KIAA1549L: variants seen among roughly 807,000 people sequenced by gnomAD.
KIAA1549L encodes KIAA1549 like.
A neutral mutation model predicts 160.7 loss-of-function variants in KIAA1549L; 88 were observed. That is an observed-to-expected ratio of 0.55 (90% CI 0.46 to 0.65). The LOEUF is 0.65. KIAA1549L is among the 30% of genes least tolerant of loss of function. The pLI, the probability that KIAA1549L is intolerant of heterozygous loss-of-function variation, is 0.00. For missense variants in KIAA1549L, 2,258 were observed against 2,437.5 expected, an observed-to-expected ratio of 0.93 and a Z score of 1.55; for synonymous variants, 950 against 976.7, an observed-to-expected ratio of 0.97 and a Z score of 0.51.
chr11:33,459,953 T>C (rs1391412627), intron 1 of KIAA1549L, among the ~76,000 whole-genome samples: 2 of 31,002 alleles, frequency 6.5e-5, no homozygotes, highest in African/African-American at 2.0e-4. Flanking sequence ...AGAGCGAGAC[T>C]CCGTCTCAAA....
chr11:33,496,668 C>T lies in KIAA1549L; in HGVS notation c.239-45134C>T, dbSNP rs191897068. ...TCCACTCTTGACTTCAACAACAACC[C>T]GCTCCCACCCCACTGCCCAGCTGCC... On this transcript the variant is annotated intron_variant, in intron 1 of 20. Coordinates refer to ENST00000658780, the MANE Select transcript of KIAA1549L (RefSeq NM_012194.3). Among the ~76,000 whole-genome samples, 184 of 152,246 alleles carry T rather than the reference C, an allele frequency of 1.2e-3. No individual in the cohort carries two copies. The South Asian group carries it at 0.026, about 21-fold the overall frequency.
At position 33,496,394 on chromosome 11, in the gene KIAA1549L, G is replaced by T. The variant is rs1015765311; in HGVS notation, c.239-45408G>T. On this transcript the variant is annotated intron_variant, in intron 1 of 20. Transcript: ENST00000658780. The stretch of plus-strand genomic sequence containing the variant: ...TTCTGGGTGCGAAGTCACTGGAGGG[G>T]TCGTCAGCAGCTGCTATTCATACAG... 2.6e-5 allele frequency among the ~76,000 whole-genome samples: 4 copies of T among 152,314 alleles called. No individual in the cohort carries two copies. In the South Asian group the frequency reaches 8.3e-4, roughly 32 times the overall value.
At chr11:33,550,709 T>A (rs957385169) in intron 4 of KIAA1549L, among the ~76,000 whole-genome samples, 1 of 152,232 alleles carries the variant, frequency 6.6e-6, no homozygotes, top group Non-Finnish European at 1.5e-5. Flanking sequence ...TTTCATTCAC[T>A]GAAAATCTCT....
In KIAA1549L at chr11:33,630,974, C is replaced by G. The variant is rs1023457152; in HGVS notation, c.5409+12312C>G. Reference sequence around the variant, plus strand: ...ATTTTCGTGCATGGCCAGGTAATTACTAGTGGAGGAGAGAGGTGGAGGCAC... The same window carrying G: ...ATTTTCGTGCATGGCCAGGTAATTAGTAGTGGAGGAGAGAGGTGGAGGCAC... On this transcript the variant is annotated intron_variant, in intron 16 of 20. Transcript: ENST00000658780. 5.9e-5 allele frequency among the ~76,000 whole-genome samples: 9 copies of G among 152,294 alleles called. No homozygotes were observed. In the East Asian group the frequency reaches 1.4e-3, roughly 23 times the overall value.
At chr11:33,380,214 A>G (rs1002452587) in intron 1 of KIAA1549L, among the ~76,000 whole-genome samples, 1 of 152,140 alleles carries the variant, frequency 6.6e-6, no homozygotes, top group African/African-American at 2.4e-5. Flanking sequence ...CCTCCAACTT[A>G]TTAGTTCCTG....
At chr11:33,650,778 C>A (rs1851862028) in intron 17 of KIAA1549L, among the ~76,000 whole-genome samples, 1 of 152,200 alleles carries the variant, frequency 6.6e-6, no homozygotes, top group Admixed American at 6.5e-5. Flanking sequence ...CCGGTGGCTT[C>A]TTTGCCACCA....
At chr11:33,536,951 C>G (rs138402608) in intron 1 of KIAA1549L, among the ~76,000 whole-genome samples, 6 of 152,304 alleles carry the variant, frequency 3.9e-5, no homozygotes, top group African/African-American at 1.4e-4. Context: ...TGTGCATCAC[C>G]TGCTCGCATC....
chr11:33,574,676 A>G, intron 9 of KIAA1549L, 26 bp from the exon 10 acceptor site: 1 of 1,596,260 alleles, frequency 6.3e-7, no homozygotes, highest in Non-Finnish European at 8.6e-7. Flanking sequence ...TGCCCTGCAA[A>G]CACTCGGCCT....
At chr11:33,584,388 C>G (rs1478779904) in intron 11 of KIAA1549L, among the ~76,000 whole-genome samples, 4 of 152,172 alleles carry the variant, frequency 2.6e-5, no homozygotes, top group Non-Finnish European at 5.9e-5. Context: ...CCAGAAAACC[C>G]CCGTTCAGTG....
intron 6 of KIAA1549L, among the ~76,000 whole-genome samples, chr11:33,553,761 T>C (rs2133203855): frequency 6.6e-6 from 1 of 152,314 alleles, no homozygotes; most frequent in Admixed American, 6.5e-5. Flanking sequence ...TTTAATTGTA[T>C]TCAGGAAGCA....
At chr11:33,445,703 C>T (rs1420091194) in intron 1 of KIAA1549L, among the ~76,000 whole-genome samples, 3 of 152,212 alleles carry the variant, frequency 2.0e-5, no homozygotes, top group Admixed American at 6.5e-5. Context: ...TCTCTTTGTG[C>T]TTCAGTTCCC....
At chr11:33,462,180 A>G (rs1398352147) in intron 1 of KIAA1549L, among the ~76,000 whole-genome samples, 1 of 152,172 alleles carries the variant, frequency 6.6e-6, no homozygotes, top group Non-Finnish European at 1.5e-5. Flanking sequence ...TAAAAAGTAG[A>G]TGGAGAACAA....
chr11:33,653,295 A>T (rs1249905239), intron 17 of KIAA1549L, among the ~76,000 whole-genome samples: 1 of 152,222 alleles, frequency 6.6e-6, no homozygotes, highest in African/African-American at 2.4e-5. Context: ...CTCAAAAAAA[A>T]TTGGAAGTAC....
rs200431151 is a variant in KIAA1549L at position 33,545,213 on chromosome 11, G to A, written c.3220G>A (p.Ala1074Thr). 1.5e-4 allele frequency: 242 copies of A among 1,613,974 alleles called. No individual in the cohort carries two copies. The highest frequency in any genetic ancestry group is 1.9e-4 in the Non-Finnish European group (226 of 1,179,882). ...STPRPLTVTA[A>T]LTSITASVKA... ...GCCACGCCCACTGACAGTCACGGCC[G>A]CGCTGACATCCATTACAGCCTCAGT... is the stretch of plus-strand genomic sequence containing the variant. Residue 1074 changes from alanine to threonine, a missense_variant, in exon 3 of 21, where the codon GCG becomes ACG. Physicochemically the swap from Ala to Thr is moderately conservative, Grantham distance 58. This residue lies in a region of KIAA1549L where 1,359 missense variants were observed against 1,546.6 expected (regional missense o/e 0.88). Transcript: ENST00000658780.
intron 1 of KIAA1549L, among the ~76,000 whole-genome samples, chr11:33,527,984 T>C (rs2133140881): frequency 6.6e-6 from 1 of 152,214 alleles, no homozygotes; most frequent in South Asian, 2.1e-4. Context: ...AGTGAATAAG[T>C]CTCACGAAAT....
In KIAA1549L at chr11:33,443,523, C is replaced by T. The variant is rs181252343; in HGVS notation, c.238+66634C>T. 5.9e-5 allele frequency among the ~76,000 whole-genome samples: 9 copies of T among 152,254 alleles called. No homozygotes were observed. The East Asian group carries it at 1.2e-3, about 20-fold the overall frequency. ...TCCAACTCACACTACTAGTGTGAAT[C>T]TGGTCCTAAACCCAAATGAATGGGG... On this transcript the variant is annotated intron_variant, in intron 1 of 20. Transcript: ENST00000658780.
chr11:33,629,155 G>A (rs878880990), intron 16 of KIAA1549L, among the ~76,000 whole-genome samples: 3 of 152,150 alleles, frequency 2.0e-5, no homozygotes, highest in East Asian at 1.9e-4. Flanking sequence ...CGAGAGATCC[G>A]CTGTTAGTCT....
At chr11:33,500,843 T>TATA (rs1852930961) in intron 1 of KIAA1549L, among the ~76,000 whole-genome samples, 1 of 152,104 alleles carries the variant, frequency 6.6e-6, no homozygotes, top group Non-Finnish European at 1.5e-5. Context: ...ATTAGTTTAT[T>TATA]ATAAATATAA....
intron 1 of KIAA1549L, among the ~76,000 whole-genome samples, chr11:33,535,796 C>T (rs1226358276): frequency 1.3e-5 from 2 of 152,074 alleles, no homozygotes. Flanking sequence ...CCTGACATAC[C>T]ACCTAGATCA....
Sources: gnomAD v4.1 joint callset for allele counts (sites outside exome capture counted in the v4.1 genomes callset) on GRCh38, gnomAD v4.1.1 for gene constraint, gnomAD v4.1.1 regional missense constraint, MANE v1.5 for transcripts, NCBI Gene and HGNC (gene_info 2026-07-23, HGNC 2026-07-21) for gene names.